SNRNP70: variants seen among roughly 807,000 people sequenced by gnomAD.
SNRNP70 encodes the protein small nuclear ribonucleoprotein U1 subunit 70.
In SNRNP70, 8 loss-of-function variants were observed where a neutral mutation model predicts 50.5. The observed-to-expected ratio is 0.16, with a 90% CI of 0.09 to 0.29. SNRNP70 has a LOEUF of 0.29. Ranked by LOEUF, SNRNP70 falls within the 10% of genes least tolerant of loss-of-function variation. The pLI, the probability that SNRNP70 is intolerant of heterozygous loss-of-function variation, is 1.00. For synonymous variants in SNRNP70, 320 were observed against 252.9 expected (o/e 1.27, Z -2.52); for missense variants, 529 against 663.5 (o/e 0.80, Z 2.23).
intron 4 of SNRNP70, among the ~76,000 whole-genome samples, chr19:49,095,371 C>T (rs2040500045): frequency 6.6e-6 from 1 of 152,220 alleles, no homozygotes; most frequent in African/African-American, 2.4e-5. Flanking sequence ...TTCCTTGCTG[C>T]TGTGACAGCT....
At chr19:49,089,884 G>A (rs1004314549) in intron 2 of SNRNP70, among the ~76,000 whole-genome samples, 1 of 151,606 alleles carries the variant, frequency 6.6e-6, no homozygotes, top group Non-Finnish European at 1.5e-5. Flanking sequence ...GGATGGTCTC[G>A]GATCTCCTGA....
In SNRNP70 at chr19:49,101,433, A is replaced by G. The variant is rs769619831; in HGVS notation, c.437A>G (p.Tyr146Cys). The change falls in exon 7 of 10, where the codon TAT (tyrosine) becomes TGT (cysteine). Residue 146 changes from tyrosine (Y) to cysteine (C), a missense_variant. Tyr to Cys is a radical substitution (Grantham distance 194). Coordinates refer to ENST00000598441, the MANE Select transcript of SNRNP70 (RefSeq NM_003089.6). Reference protein sequence around the residue: ...YSKRSGKPRGYAFIEYEHERD... With the variant: ...YSKRSGKPRGCAFIEYEHERD... ...AAGCGGTCAGGAAAGCCCCGTGGCT[A>G]TGCCTTCATCGAGTACGAACACGAG... is the stretch of plus-strand genomic sequence containing the variant. 11 of 1,613,878 alleles carry G rather than the reference A, an allele frequency of 6.8e-6. No homozygotes were observed. Among genetic ancestry groups the G allele is most frequent in the South Asian group, 1.1e-5 (1 of 91,082 alleles).
intron 2 of SNRNP70, among the ~76,000 whole-genome samples, chr19:49,088,290 C>T (rs1199806531): frequency 6.9e-6 from 1 of 143,916 alleles, no homozygotes; most frequent in Admixed American, 7.1e-5. Context: ...GCAAGCTCCG[C>T]CTCCCGGGTT....
chr19:49,095,819 G>A (rs893621214), intron 4 of SNRNP70, among the ~76,000 whole-genome samples: 1 of 151,890 alleles, frequency 6.6e-6, no homozygotes, highest in African/African-American at 2.4e-5. Flanking sequence ...GAGCCACTGC[G>A]CCCAGCACCT....
intron 6 of SNRNP70, among the ~76,000 whole-genome samples, chr19:49,099,790 C>CTTACA (rs1054612757): frequency 2.2e-4 from 34 of 151,816 alleles, no homozygotes; most frequent in Non-Finnish European, 4.6e-4. Context: ...CGCCTGTAAT[C>CTTACA]CCACATGTTG....
rs2040697323 is a variant in SNRNP70 at position 49,107,940 on chromosome 19, AAGG to A, written c.817_819del (p.Glu273del). On this transcript the variant is annotated inframe_deletion, in exon 10 of 10. Transcript: ENST00000598441. This position sits in a 1 kb window ranked among gnomAD's most constrained non-coding sequence, Gnocchi z 6.0. The stretch of plus-strand genomic sequence containing the variant: ...GCGGAGGCGCTCACGGAGTCGCGAC[AAGG>A]AGGAGCGGAGGCGCTCCAGGGAGCG... 4 of 1,547,164 alleles carry A rather than the reference AAGG, an allele frequency of 2.6e-6. No individual in the cohort carries two copies. Among genetic ancestry groups the A allele is most frequent in the Non-Finnish European group, 3.5e-6 (4 of 1,146,122 alleles).
intron 2 of SNRNP70, among the ~76,000 whole-genome samples, chr19:49,089,819 C>T (rs902830135): frequency 2.4e-4 from 37 of 151,466 alleles, no homozygotes; most frequent in South Asian, 1.0e-3. Context: ...CCCACCACCA[C>T]GCCCGGCTAA....
chr19:49,089,361 G>A (rs995678243), intron 2 of SNRNP70, among the ~76,000 whole-genome samples: 8 of 151,954 alleles, frequency 5.3e-5, no homozygotes, highest in East Asian at 2.0e-4. Context: ...TTAGAGAGAC[G>A]GGCACAGGGG....
In SNRNP70 at chr19:49,108,522, G is replaced by A; in HGVS notation, c.*79G>A. On this transcript the variant is annotated 3_prime_UTR_variant, in exon 10 of 10. Transcript: ENST00000598441. ...GCTGTCATCCCCTCCCCCAACCTTG[G>A]CCACTTGAGTTTGTCCTCCAAGGGT... 6.6e-7 allele frequency: 1 copy of A among 1,513,170 alleles called. No homozygotes were observed. Among genetic ancestry groups the A allele is most frequent in the South Asian group, 1.2e-5 (1 of 80,488 alleles). The allele number at this position is 1,513,170 out of a possible 1,614,324, so 93.7% of individuals were successfully genotyped here.
intron 6 of SNRNP70, among the ~76,000 whole-genome samples, chr19:49,100,197 C>T (rs1249592769): frequency 6.6e-6 from 1 of 152,162 alleles, no homozygotes; most frequent in African/African-American, 2.4e-5. Flanking sequence ...TCATTCTGGC[C>T]ACCTCTGTCT....
rs548918082 is a variant in SNRNP70, at chr19:49,091,393, C to T, written c.265+873C>T. ...GTCTTAAAAAAAAAAAAGATTATAC[C>T]GTCTATTTACTGTACCCTTTCTATG... On this transcript the variant is annotated intron_variant, in intron 4 of 9. Transcript: ENST00000598441. Among the ~76,000 whole-genome samples, 6 of 151,900 alleles carry T rather than the reference C, an allele frequency of 3.9e-5. No individual in the cohort carries two copies. In the East Asian group the frequency reaches 5.8e-4, roughly 15 times the overall value.
At position 49,107,896 on chromosome 19, in the gene SNRNP70, G is replaced by A. The variant is rs370655475; in HGVS notation, c.767G>A (p.Arg256His). 5.8e-6 allele frequency: 9 copies of A among 1,548,210 alleles called. No individual in the cohort carries two copies. The highest frequency in any genetic ancestry group is 4.1e-5 in the African/African-American group (3 of 72,930). ...CGAGACAAGGAGCGAGAACGGCGAC[G>A]CTCCCGCTCCCGGGACCGGCGGAGG... ...RERDKERERR[R>H]SRSRDRRRRS... The change falls in exon 10 of 10, where the codon CGC (arginine) becomes CAC (histidine). Residue 256 changes from arginine (R) to histidine (H), a missense_variant. Transcript: ENST00000598441. The surrounding 1 kb of genome is among the most constrained non-coding windows in gnomAD (Gnocchi z 6.0).
chr19:49,090,784 C>T (rs1353428691), intron 4 of SNRNP70: 2 of 541,924 alleles, frequency 3.7e-6, no homozygotes, highest in Non-Finnish European at 6.7e-6. Flanking sequence ...TAAGGGGCTC[C>T]CACAACCCAG....
At chr19:49,090,834 G>A (rs2040438615) in intron 4 of SNRNP70, among the ~76,000 whole-genome samples, 1 of 152,144 alleles carries the variant, frequency 6.6e-6, no homozygotes, top group African/African-American at 2.4e-5. Context: ...GTGGGATAGT[G>A]GTCTGTCCTG....
At chr19:49,087,161 C>A (rs1048169190) in intron 2 of SNRNP70, among the ~76,000 whole-genome samples, 80 of 103,196 alleles carry the variant, frequency 7.8e-4, no homozygotes, top group Non-Finnish European at 9.1e-5. Context: ...TCCTGAGCAA[C>A]AGAACAAGAC....
Position 49,085,474 on chromosome 19 carries a change from G to T in SNRNP70, c.-173G>T, listed in dbSNP as rs1477679387. On this transcript the variant is annotated 5_prime_UTR_variant, in exon 1 of 10. Transcript: ENST00000598441. ...CCAGTCGCTATCGGAGGCCGCGCGG[G>T]TGGCTGAGCAGCGGCCTGGTGCGCT... 3 of 438,848 alleles carry T rather than the reference G, an allele frequency of 6.8e-6. No individual in the cohort carries two copies. The highest frequency in any genetic ancestry group is 1.4e-5 in the Non-Finnish European group (3 of 216,032). 27.2% of individuals were successfully genotyped at this position (438,848 alleles called of 1,614,324 possible).
Position 49,107,995 on chromosome 19 carries a change from A to C in SNRNP70, c.866A>C (p.Lys289Thr). Residue 289 changes from lysine (K) to threonine (T), a missense_variant, in exon 10 of 10, where the codon AAG becomes ACG. This residue lies in a region of SNRNP70 where 327 missense variants were observed against 308.8 expected (regional missense o/e 1.06). Transcript: ENST00000598441. The surrounding 1 kb of genome is among the most constrained non-coding windows in gnomAD (Gnocchi z 6.0). Reference protein sequence around the residue: ...ERSKDKDRDRKRRSSRSRERA... With the variant: ...ERSKDKDRDRTRRSSRSRERA... ...AGCAAGGACAAGGACCGGGACCGGA[A>C]GCGGCGAAGCAGCCGGAGTCGGGAG... The C allele has an allele frequency of 6.5e-7, 1 of 1,547,724 alleles. No homozygotes were observed. The highest frequency in any genetic ancestry group is 8.7e-7 in the Non-Finnish European group (1 of 1,146,052).
chr19:49,090,213 C>G, intron 2 of SNRNP70, 78 bp from the exon 3 acceptor site: 1 of 1,290,384 alleles, frequency 7.7e-7, no homozygotes, highest in Non-Finnish European at 1.1e-6. Flanking sequence ...GAGGGTTAAC[C>G]TGTTTATTTC....
chr19:49,101,320 G>C (rs1406805068), intron 6 of SNRNP70, 70 bp from the exon 7 acceptor site: 4 of 1,131,404 alleles, frequency 3.5e-6, no homozygotes, highest in Admixed American at 3.4e-5. Context: ...TGGTGTGCAG[G>C]CTGTTGTGGG....
Sources: gnomAD v4.1 joint callset for allele counts (sites outside exome capture counted in the v4.1 genomes callset) on GRCh38, gnomAD v4.1.1 for gene constraint, gnomAD v4.1.1 regional missense constraint, Gnocchi (gnomAD v3.1) non-coding constraint, MANE v1.5 for transcripts, NCBI Gene and HGNC (gene_info 2026-07-23, HGNC 2026-07-21) for gene names.